TCF4: variants seen among roughly 807,000 people sequenced by gnomAD.
TCF4 encodes the protein transcription factor 4.
TCF4 carries 3 observed loss-of-function variants against 82.1 expected under a neutral mutation model. The observed-to-expected ratio is 0.04, with a 90% CI of 0.02 to 0.09. The LOEUF (loss-of-function observed/expected upper bound fraction) is 0.09, where lower values mean the gene tolerates loss of function less well. Ranked by LOEUF, TCF4 falls within the 10% of genes least tolerant of loss-of-function variation. The probability of loss-of-function intolerance (pLI) is 1.00; values close to 1 mark genes in which losing one functional copy is unlikely to be tolerated. For synonymous variants in TCF4, 276 were observed against 309.6 expected, an observed-to-expected ratio of 0.89 and a Z score of 1.14; for missense variants, 518 against 852.7, an observed-to-expected ratio of 0.61 and a Z score of 4.89.
chr18:55,561,038 G>A (rs2097351024), intron 3 of TCF4, among the ~76,000 whole-genome samples: 1 of 152,154 alleles, frequency 6.6e-6, no homozygotes, highest in Admixed American at 6.5e-5. Context: ...TCCTTCACCT[G>A]TCTTCATGAC....
chr18:55,503,358 T>TTCATCA (rs140707538), intron 3 of TCF4, among the ~76,000 whole-genome samples: 30 of 152,028 alleles, frequency 2.0e-4, no homozygotes, highest in African/African-American at 6.0e-4. Flanking sequence ...CATCATCAAT[T>TTCATCA]TCATCATCAT....
intron 3 of TCF4, chr18:55,551,746 G>A (rs939950739): frequency 5.9e-5 from 9 of 152,158 alleles, no homozygotes; most frequent in Non-Finnish European, 1.0e-4. Context: ...AGAATATCTC[G>A]TCCTCCTCAA....
Position 55,279,676 on chromosome 18 carries a change from T to C in TCF4, c.550-20A>G. Reference sequence around the variant, plus strand: ...ATAGACCTGAGGAGAAAGAACCAACTGAGTTTTGCTTTTTGCATTGACCAC... The same window carrying C: ...ATAGACCTGAGGAGAAAGAACCAACCGAGTTTTGCTTTTTGCATTGACCAC... On this transcript the variant is annotated intron_variant, in intron 8 of 19. Transcript: ENST00000354452. 1 of 1,613,750 alleles carries C rather than the reference T, an allele frequency of 6.2e-7. No individual in the cohort carries two copies. The highest frequency in any genetic ancestry group is 1.1e-5 in the South Asian group (1 of 91,066).
At chr18:55,627,355 C>G (rs1411391923) in intron 2 of TCF4, among the ~76,000 whole-genome samples, 1 of 152,148 alleles carries the variant, frequency 6.6e-6, no homozygotes, top group Non-Finnish European at 1.5e-5. Flanking sequence ...GTAGAGGAAA[C>G]AGACCAATAT....
intron 3 of TCF4, among the ~76,000 whole-genome samples, chr18:55,530,027 A>C (rs2097041381): frequency 6.6e-6 from 1 of 152,214 alleles, no homozygotes. Context: ...TTCAAACCTG[A>C]CTACTCCAAA....
intron 3 of TCF4, among the ~76,000 whole-genome samples, chr18:55,574,256 T>G (rs2097505683): frequency 1.3e-5 from 2 of 152,258 alleles, no homozygotes; most frequent in Admixed American, 1.3e-4. Flanking sequence ...GTTAGAAATG[T>G]GAAGTCTGTA....
intron 3 of TCF4, among the ~76,000 whole-genome samples, chr18:55,584,119 C>T (rs1285736780): frequency 1.3e-5 from 2 of 152,062 alleles, no homozygotes; most frequent in Non-Finnish European, 2.9e-5. Flanking sequence ...GGAGAAGGAA[C>T]TTATTTGGAA....
intron 6 of TCF4, among the ~76,000 whole-genome samples, chr18:55,391,955 CTTTT>C (rs1212656712): frequency 3.2e-5 from 2 of 61,696 alleles, no homozygotes; most frequent in East Asian, 5.7e-4. Context: ...AAAAAAAAAT[CTTTT>C]TTTTTTTTTT....
chr18:55,439,454 C>A (rs1436827711), intron 5 of TCF4, among the ~76,000 whole-genome samples: 1 of 152,098 alleles, frequency 6.6e-6, no homozygotes, highest in Non-Finnish European at 1.5e-5. Flanking sequence ...GGTGGGGTTG[C>A]TTATATGAGT....
intron 3 of TCF4, among the ~76,000 whole-genome samples, chr18:55,472,302 A>T (rs1480813161): frequency 6.6e-6 from 1 of 152,222 alleles, no homozygotes; most frequent in Non-Finnish European, 1.5e-5. Flanking sequence ...TTGAAGCTCA[A>T]GGTGGTAAAC....
intron 8 of TCF4, among the ~76,000 whole-genome samples, chr18:55,326,204 C>T (rs2076525492): frequency 6.6e-6 from 1 of 152,034 alleles, no homozygotes. Context: ...TGCTGCTCCC[C>T]AGCAGTGTGA....
chr18:55,608,351 C>T (rs1438081700), intron 2 of TCF4, among the ~76,000 whole-genome samples: 3 of 147,804 alleles, frequency 2.0e-5, no homozygotes, highest in Non-Finnish European at 1.5e-5. Flanking sequence ...TTAGACCGAT[C>T]TAGCATCTTG....
chr18:55,317,453 T>C (rs1267364482), intron 8 of TCF4, among the ~76,000 whole-genome samples: 2 of 152,108 alleles, frequency 1.3e-5, no homozygotes, highest in Non-Finnish European at 2.9e-5. Flanking sequence ...ATTTGCATAG[T>C]TGACACTCTA....
intron 15 of TCF4, among the ~76,000 whole-genome samples, chr18:55,239,544 A>G: frequency 6.6e-6 from 1 of 152,224 alleles, no homozygotes; most frequent in East Asian, 1.9e-4. Context: ...CCTAGGTACA[A>G]GCATATAACA....
intron 5 of TCF4, among the ~76,000 whole-genome samples, chr18:55,425,433 A>C (rs1207147394): frequency 3.3e-5 from 5 of 151,332 alleles, no homozygotes; most frequent in Non-Finnish European, 1.5e-5. Flanking sequence ...TTAAGTATTG[A>C]ATGAATCTTT....
At chr18:55,248,901 TG>T (rs2054157226) in intron 15 of TCF4, among the ~76,000 whole-genome samples, 1 of 152,150 alleles carries the variant, frequency 6.6e-6, no homozygotes, top group South Asian at 2.1e-4. Flanking sequence ...TGCACCACCA[TG>T]CCCGGCTAAT....
chr18:55,399,942 C>A (rs1338371423), intron 6 of TCF4, among the ~76,000 whole-genome samples: 1 of 137,676 alleles, frequency 7.3e-6, no homozygotes, highest in African/African-American at 2.7e-5. Context: ...AAAAATGAAA[C>A]CATGGCTTTA....
intron 3 of TCF4, among the ~76,000 whole-genome samples, chr18:55,513,142 T>C (rs749452373): frequency 6.6e-6 from 1 of 152,170 alleles, no homozygotes; most frequent in African/African-American, 2.4e-5. Context: ...TCACCTGGCA[T>C]GAAGACGATA....
At chr18:55,611,718 A>G (rs1273280663) in intron 2 of TCF4, among the ~76,000 whole-genome samples, 4 of 152,230 alleles carry the variant, frequency 2.6e-5, no homozygotes, top group Admixed American at 2.0e-4. Flanking sequence ...TGAACATAGT[A>G]TATGCGAAAT....
Sources: allele counts gnomAD v4.1 joint callset (sites outside exome capture counted in the v4.1 genomes callset), GRCh38; gene constraint gnomAD v4.1.1; transcripts MANE v1.5; gene names NCBI Gene and HGNC (gene_info 2026-07-23, HGNC 2026-07-21).